The following SCAMP2 variants were observed in gnomAD, a reference collection of about 807,000 sequenced individuals.
SCAMP2 encodes secretory carrier membrane protein 2, also known as secretory carrier-associated membrane protein 2.
A neutral mutation model predicts 44.1 loss-of-function variants in SCAMP2; 25 were observed. That is an observed-to-expected ratio of 0.57 (90% CI 0.41 to 0.79). SCAMP2 has a LOEUF of 0.79. Among genes scored for constraint, SCAMP2 ranks in the 30% least tolerant of loss-of-function variants. SCAMP2 has a pLI of 0.00. For synonymous variants in SCAMP2, 156 were observed against 166.0 expected (o/e 0.94, Z 0.46); for missense variants, 355 against 411.0 (o/e 0.86, Z 1.18).
At chr15:74,853,964 T>G (rs1180994544) in intron 3 of SCAMP2, 57 bp downstream of exon 3, 1 of 1,447,428 alleles carries the variant, frequency 6.9e-7, no homozygotes, top group African/African-American at 1.4e-5. Context: ...GCTCAGCTAC[T>G]GGTCTGGATG....
intron 1 of SCAMP2, among the ~76,000 whole-genome samples, chr15:74,863,398 C>T (rs377526253): frequency 7.9e-5 from 12 of 151,396 alleles, no homozygotes; most frequent in African/African-American, 2.9e-4. Context: ...GTGGTCCCAG[C>T]TACACTGGAG....
At chr15:74,857,000 A>G (rs2064473047) in intron 1 of SCAMP2, among the ~76,000 whole-genome samples, 1 of 152,226 alleles carries the variant, frequency 6.6e-6, no homozygotes, top group Non-Finnish European at 1.5e-5. Flanking sequence ...CTAGGACCCA[A>G]AATGGGAGCT....
In SCAMP2 at chr15:74,852,068, C is replaced by T; in HGVS notation, c.343+1G>A. On this transcript the variant is annotated splice_donor_variant, in intron 4 of 8. Transcript: ENST00000268099. LOFTEE classifies it high-confidence loss of function. ...CCCCAGGCCCCAGCAGCCTCCCTTA[C>T]CATGCAAGTTGGCTACAGTGTTCTG... The T allele has an allele frequency of 6.4e-7, 1 of 1,569,376 alleles. No homozygotes were observed. The highest frequency in any genetic ancestry group is 1.2e-5 in the South Asian group (1 of 85,166).
chr15:74,864,986 C>G (rs2064532393), intron 1 of SCAMP2, among the ~76,000 whole-genome samples: 1 of 142,286 alleles, frequency 7.0e-6, no homozygotes, highest in Non-Finnish European at 1.5e-5. Context: ...ACTCAGGAGG[C>G]TAAGGCAGAA....
intron 6 of SCAMP2, among the ~76,000 whole-genome samples, chr15:74,849,763 T>C (rs934847131): frequency 6.6e-6 from 1 of 152,050 alleles, no homozygotes; most frequent in African/African-American, 2.4e-5. Flanking sequence ...ACAATAGAAC[T>C]TGAGGATACG....
At chr15:74,867,096 T>G (rs1299706284) in intron 1 of SCAMP2, among the ~76,000 whole-genome samples, 3 of 152,192 alleles carry the variant, frequency 2.0e-5, no homozygotes, top group African/African-American at 7.2e-5. Context: ...CGCCCCAGCC[T>G]CAGTGAGTAT....
At chr15:74,852,722 C>T (rs1430780204) in intron 3 of SCAMP2, 1 of 152,834 alleles carries the variant, frequency 6.5e-6, no homozygotes, top group African/African-American at 2.4e-5. Flanking sequence ...GGCCTGCCCC[C>T]AGGAGCTGCC....
chr15:74,869,281 A>T (rs1009117367), intron 1 of SCAMP2, among the ~76,000 whole-genome samples: 2 of 152,176 alleles, frequency 1.3e-5, no homozygotes, highest in Non-Finnish European at 2.9e-5. Flanking sequence ...GAACTGTCTT[A>T]AAAAGCCCAA....
chr15:74,848,391 T>G, intron 7 of SCAMP2: 1 of 480,446 alleles, frequency 2.1e-6, no homozygotes, highest in South Asian at 3.3e-5. Flanking sequence ...TTTTGATGCC[T>G]TTAGTATCAA....
intron 6 of SCAMP2, 39 bp from the exon 7 acceptor site, chr15:74,848,740 G>C: frequency 1.4e-6 from 2 of 1,460,096 alleles, no homozygotes; most frequent in Non-Finnish European, 1.9e-6. Context: ...AGAGGGCTTG[G>C]GCTGTGTTCC....
At chr15:74,845,434 C>T in intron 8 of SCAMP2, 39 bp downstream of exon 8, 1 of 1,613,814 alleles carries the variant, frequency 6.2e-7, no homozygotes, top group South Asian at 1.1e-5. Flanking sequence ...GGTTGCCTGC[C>T]TCCTCCCATT....
At chr15:74,870,735 G>A (rs995148675) in intron 1 of SCAMP2, among the ~76,000 whole-genome samples, 3 of 152,144 alleles carry the variant, frequency 2.0e-5, no homozygotes, top group African/African-American at 7.2e-5. Context: ...GGCTCCTGTT[G>A]GCTAAGACAC....
intron 3 of SCAMP2, chr15:74,853,813 G>T: frequency 1.7e-6 from 1 of 588,814 alleles, no homozygotes; most frequent in Non-Finnish European, 3.0e-6. Flanking sequence ...CTCAGTGGTG[G>T]TGGTGGGTGG....
intron 8 of SCAMP2, 42 bp from the exon 9 acceptor site, chr15:74,845,259 C>T: frequency 6.2e-7 from 1 of 1,602,404 alleles, no homozygotes; most frequent in East Asian, 2.2e-5. Flanking sequence ...GTCCTTTGGG[C>T]CCACCAGGAA....
At chr15:74,850,800 G>A (rs1448814581) in intron 5 of SCAMP2, 127 bp from the exon 6 acceptor site, 13 of 892,336 alleles carry the variant, frequency 1.5e-5, no homozygotes, top group Middle Eastern at 3.5e-4. Flanking sequence ...AGAGGAGCCC[G>A]CTCTGTACCT....
chr15:74,854,205 G>A, intron 2 of SCAMP2, 86 bp from the exon 3 acceptor site: 1 of 1,207,764 alleles, frequency 8.3e-7, no homozygotes. Context: ...GATGAGTGAT[G>A]TGCCCCTGCC....
chr15:74,873,221 G>A lies in SCAMP2; in HGVS notation c.35C>T (p.Pro12Leu), dbSNP rs758718770. 1.4e-6 allele frequency: 2 copies of A among 1,459,148 alleles called. No individual in the cohort carries two copies. Among genetic ancestry groups the A allele is most frequent in the Admixed American group, 3.4e-5 (1 of 29,452 alleles). 90.4% of individuals were successfully genotyped at this position (1,459,148 alleles called of 1,614,324 possible). ...TACCTGGAAGGGGTTTACATCCACTGGGTCCGCGAAGGGGTTGGTGTCGAA... is the reference window on the plus strand; with the variant it reads ...TACCTGGAAGGGGTTTACATCCACTAGGTCCGCGAAGGGGTTGGTGTCGAA... ...SAFDTNPFAD[P>L]VDVNPFQDPS... is the part of the protein sequence containing the mutation. Residue 12 changes from proline to leucine, a missense_variant, in exon 1 of 9, where the codon CCA becomes CTA. Pro to Leu is a moderately conservative substitution (Grantham distance 98). Coordinates refer to ENST00000268099, the MANE Select transcript of SCAMP2 (RefSeq NM_005697.5).
intron 1 of SCAMP2, among the ~76,000 whole-genome samples, chr15:74,864,588 T>C (rs2064530157): frequency 2.0e-5 from 3 of 152,108 alleles, no homozygotes; most frequent in South Asian, 4.1e-4. Context: ...TGCAACAGCA[T>C]GGTAGGACAA....
intron 1 of SCAMP2, among the ~76,000 whole-genome samples, chr15:74,854,991 A>G (rs1869959): frequency 2.1e-5 from 3 of 144,802 alleles, no homozygotes; most frequent in African/African-American, 2.6e-5. Flanking sequence ...TTTTTTTTTG[A>G]GGGGTGGGGT....
Sources: gnomAD v4.1 joint callset for allele counts (sites outside exome capture counted in the v4.1 genomes callset) on GRCh38, gnomAD v4.1.1 for gene constraint, MANE v1.5 for transcripts, NCBI Gene and HGNC (gene_info 2026-07-23, HGNC 2026-07-21) for gene names.